Variants in C22orf31 observed in about 807,000 individuals in gnomAD.
C22orf31 encodes chromosome 22 open reading frame 31.
C22orf31 carries 11 observed loss-of-function variants against 15.0 expected under a neutral mutation model. That is an observed-to-expected ratio of 0.73 (90% CI 0.46 to 1.21). C22orf31 has a LOEUF of 1.21. Among genes scored for constraint, C22orf31 ranks in the 50% most tolerant of loss-of-function variants. The pLI is 0.00. For synonymous variants in C22orf31, 132 were observed against 133.3 expected, an observed-to-expected ratio of 0.99 and a Z score of 0.07; for missense variants, 340 against 347.2, an observed-to-expected ratio of 0.98 and a Z score of 0.17.
chr22:29,059,627 A>T (rs753928497), intron 2 of C22orf31: 105 of 932,862 alleles, frequency 1.1e-4, no homozygotes, highest in Non-Finnish European at 1.3e-4. Context: ...CCTCAATTAC[A>T]GTCCGAGTTG....
the C22orf31 span, chr22:29,073,282 G>C: frequency 1.2e-6 from 1 of 808,444 alleles, no homozygotes; most frequent in African/African-American, 1.8e-5. This position sits in a 1 kb window ranked among gnomAD's most constrained non-coding sequence, Gnocchi z 4.4. Flanking sequence ...CTCGAGGGGC[G>C]ACAAGGGCCG....
chr22:29,073,913 T>C, the C22orf31 span, among the ~76,000 whole-genome samples: 1 of 152,066 alleles, frequency 6.6e-6, no homozygotes, highest in African/African-American at 2.4e-5. This position sits in a 1 kb window ranked among gnomAD's most constrained non-coding sequence, Gnocchi z 4.4. Context: ...CAAGAGGCTA[T>C]ACGCCCCTCT....
chr22:29,071,207 G>C, the C22orf31 span, among the ~76,000 whole-genome samples: 1 of 152,184 alleles, frequency 6.6e-6, no homozygotes, highest in Non-Finnish European at 1.5e-5. Context: ...TGAGGGGATG[G>C]TGGGTGCCCC....
the C22orf31 span, among the ~76,000 whole-genome samples, chr22:29,068,668 C>T: frequency 1.3e-5 from 2 of 151,964 alleles, no homozygotes; most frequent in Non-Finnish European, 2.9e-5. Context: ...CCTCGGCCTC[C>T]CAAAGTGCTG....
At chr22:29,066,189 G>A (rs930613702), upstream of C22orf31, among the ~76,000 whole-genome samples, 2 of 151,880 alleles carry the variant, frequency 1.3e-5, no homozygotes, top group Admixed American at 1.3e-4. Flanking sequence ...CCACCTTTAT[G>A]GCCCTGCCCC....
upstream of C22orf31, among the ~76,000 whole-genome samples, chr22:29,066,639 C>T (rs1380926902): frequency 2.8e-4 from 40 of 143,670 alleles, no homozygotes. Context: ...TGGCTCACTG[C>T]AACCTCCGCC....
At chr22:29,062,207 G>C (rs753530197), upstream of C22orf31, among the ~76,000 whole-genome samples, 3 of 152,200 alleles carry the variant, frequency 2.0e-5, no homozygotes, top group Non-Finnish European at 4.4e-5. Context: ...AGGAAATGTA[G>C]TCAAATATGC....
rs1438803831 is a variant in C22orf31 at position 29,058,882 on chromosome 22, G to T, written c.733C>A (p.Gln245Lys). 8.7e-6 allele frequency: 14 copies of T among 1,614,056 alleles called. No homozygotes were observed. The highest frequency in any genetic ancestry group is 1.1e-5 in the Non-Finnish European group (13 of 1,180,024). The stretch of plus-strand genomic sequence containing the variant: ...CTGCAAAGAGCCTCCCAGAGCTTTT[G>T]TTTAATGGCCTTGCCCAGCTCCAGG... ...YSLELGKAIK[Q>K]KLWEALCSQG... Residue 245 changes from glutamine (Q) to lysine (K), a missense_variant, in exon 3 of 3, where the codon CAA (glutamine) becomes AAA (lysine). By Grantham distance (53) the Gln-to-Lys change is moderately conservative. Transcript: ENST00000216071.
upstream of C22orf31, among the ~76,000 whole-genome samples, chr22:29,063,446 G>A (rs577974147): frequency 2.1e-4 from 32 of 152,314 alleles, no homozygotes; most frequent in African/African-American, 6.0e-4. Flanking sequence ...GATTACAGGC[G>A]TGAGCCTGTG....
the C22orf31 span, among the ~76,000 whole-genome samples, chr22:29,069,204 A>T: frequency 6.6e-6 from 1 of 152,240 alleles, no homozygotes; most frequent in South Asian, 2.1e-4. Context: ...TGCCTCCCTC[A>T]TAAGGCTACT....
intron 1 of C22orf31, among the ~76,000 whole-genome samples, chr22:29,061,226 C>T (rs1410045258): frequency 3.3e-5 from 5 of 152,122 alleles, no homozygotes; most frequent in Non-Finnish European, 7.3e-5. Context: ...GACATGACAG[C>T]CGGTAAGTTC....
chr22:29,066,539 CTTTTTTTTTTT>C (rs134565), upstream of C22orf31, among the ~76,000 whole-genome samples: 383 of 70,234 alleles, frequency 5.5e-3, 4 homozygotes, highest in Middle Eastern at 0.021. Context: ...CTTTTCTTTT[CTTTTTTTTTTT>C]TTTTTTTTTT....
the C22orf31 span, among the ~76,000 whole-genome samples, chr22:29,067,726 G>T: frequency 6.6e-6 from 1 of 152,124 alleles, no homozygotes; most frequent in South Asian, 2.1e-4. Flanking sequence ...TTACAACCAT[G>T]AGCCACCGTG....
At chr22:29,071,537 A>C in the C22orf31 span, among the ~76,000 whole-genome samples, 2 of 152,106 alleles carry the variant, frequency 1.3e-5, no homozygotes, top group African/African-American at 4.8e-5. Context: ...GAGTCTGCAC[A>C]CTGGTGCAGA....
chr22:29,060,074 C>T, intron 2 of C22orf31: 3 of 678,256 alleles, frequency 4.4e-6, no homozygotes, highest in Non-Finnish European at 5.4e-6. Flanking sequence ...CTCTGTTGCC[C>T]AATCAGGAAT....
the C22orf31 span, among the ~76,000 whole-genome samples, chr22:29,071,788 G>A: frequency 6.6e-6 from 1 of 152,202 alleles, no homozygotes; most frequent in Non-Finnish European, 1.5e-5. Flanking sequence ...GGCGGGCAAA[G>A]GGCCTACCAC....
At chr22:29,062,851 G>A (rs2037404913), upstream of C22orf31, among the ~76,000 whole-genome samples, 1 of 152,084 alleles carries the variant, frequency 6.6e-6, no homozygotes, top group South Asian at 2.1e-4. Flanking sequence ...CCTAAGAGCT[G>A]GGTCGATTTT....
chr22:29,066,529 CT>C (rs1311739198), upstream of C22orf31, among the ~76,000 whole-genome samples: 2 of 81,684 alleles, frequency 2.4e-5, no homozygotes, highest in African/African-American at 8.5e-5. Flanking sequence ...TCTTTCTTTT[CT>C]TTTCTTTTCT....
the C22orf31 span, among the ~76,000 whole-genome samples, chr22:29,072,037 G>A: frequency 6.6e-6 from 1 of 152,162 alleles, no homozygotes; most frequent in South Asian, 2.1e-4. Context: ...ACGGAACCAG[G>A]GGTCAGTATG....
Sources: gnomAD v4.1 joint callset for allele counts (sites outside exome capture counted in the v4.1 genomes callset) on GRCh38, gnomAD v4.1.1 for gene constraint, Gnocchi (gnomAD v3.1) non-coding constraint, MANE v1.5 for transcripts, NCBI Gene and HGNC (gene_info 2026-07-23, HGNC 2026-07-21) for gene names.